Variants in HYDIN observed in about 807,000 individuals in gnomAD.
HYDIN encodes the protein axonemal central pair apparatus protein HYDIN.
HYDIN carries 132 observed loss-of-function variants against 403.9 expected under a neutral mutation model. That is an observed-to-expected ratio of 0.33 (90% CI 0.28 to 0.38). The LOEUF (loss-of-function observed/expected upper bound fraction) is 0.38. Ranked by LOEUF, HYDIN falls within the 10% of genes least tolerant of loss-of-function variation. The pLI is 1.00. For missense variants in HYDIN, 2,827 were observed against 5,009.5 expected, an observed-to-expected ratio of 0.56 and a Z score of 13.15; for synonymous variants, 1,202 against 1,891.7, an observed-to-expected ratio of 0.64 and a Z score of 9.46.
At chr16:71,047,444 G>T (rs529191820) in intron 18 of HYDIN, among the ~76,000 whole-genome samples, 21 of 152,028 alleles carry the variant, frequency 1.4e-4, no homozygotes, top group African/African-American at 4.8e-4. Flanking sequence ...GTGGGGTTGG[G>T]GGTGGGGGTG....
intron 3 of HYDIN, among the ~76,000 whole-genome samples, chr16:71,182,708 T>C (rs1481023555): frequency 1.3e-5 from 2 of 152,126 alleles, no homozygotes; most frequent in African/African-American, 2.4e-5. Flanking sequence ...GTTCAGGGGA[T>C]AGACAGTGGC....
Position 70,879,427 on chromosome 16 carries a change from C to T in HYDIN, c.10427G>A (p.Arg3476Gln), listed in dbSNP as rs553627913. ...AAGAACTGGCCGCACAACCGTCACT[C>T]GAGGGAGGTTCCCCTCACCAGCGAT... The part of the protein sequence containing the change: ...FDIAGEGNLP[R>Q]VTVVRPVLHN... The change falls in exon 62 of 86, where the codon CGA becomes CAA. Residue 3476 changes from arginine to glutamine, a missense_variant. By Grantham distance (43) the Arg-to-Gln change is conservative. Transcript: ENST00000393567. 3.5e-5 allele frequency: 57 copies of T among 1,611,450 alleles called. 2 individuals are homozygous for T. The South Asian group carries it at 5.2e-4, about 15-fold the overall frequency.
intron 76 of HYDIN, among the ~76,000 whole-genome samples, chr16:70,839,639 C>A (rs75699627): frequency 6.6e-6 from 1 of 152,104 alleles, no homozygotes; most frequent in Non-Finnish European, 1.5e-5. Context: ...GAACCTTGGA[C>A]TAGAACATCC....
intron 47 of HYDIN, 99 bp from the exon 48 acceptor site, chr16:70,908,960 C>A (rs2076614498): frequency 1.4e-6 from 2 of 1,456,728 alleles, no homozygotes; most frequent in East Asian, 4.7e-5. Flanking sequence ...GGAGATGGTG[C>A]TGCAGGGTCA....
intron 4 of HYDIN, among the ~76,000 whole-genome samples, chr16:71,176,828 G>C (rs962320954): frequency 6.6e-6 from 1 of 152,208 alleles, no homozygotes; most frequent in African/African-American, 2.4e-5. Flanking sequence ...TCCTCTGTGT[G>C]TGAGGGACGG....
chr16:71,099,055 AT>A (rs1395415931), intron 10 of HYDIN, among the ~76,000 whole-genome samples: 1 of 151,928 alleles, frequency 6.6e-6, no homozygotes, highest in African/African-American at 2.4e-5. Flanking sequence ...AGACCAAAAT[AT>A]TTTAAAACAT....
Position 70,962,269 on chromosome 16 carries a change from C to A in HYDIN, c.5789-131G>T, listed in dbSNP as rs2078442815. 5.5e-5 allele frequency: 23 copies of A among 418,964 alleles called. 2 individuals are homozygous for A. The South Asian group carries it at 1.8e-3, about 33-fold the overall frequency. The allele number at this position is 418,964 out of a possible 1,614,324, so 26.0% of individuals were successfully genotyped here. A position where few individuals can be genotyped will look rare whatever the true frequency, so the allele number is the denominator to read the frequency against. ...CGGGCTCCCATCACCCTGGACCATT[C>A]AACCCAAATAAACAAGAACTGCAGT... On this transcript the variant is annotated intron_variant, in intron 37 of 85. Coordinates refer to ENST00000393567, the MANE Select transcript of HYDIN (RefSeq NM_001270974.2).
chr16:71,164,848 C>A (rs1242691657), intron 5 of HYDIN, among the ~76,000 whole-genome samples: 2 of 149,092 alleles, frequency 1.3e-5, no homozygotes, highest in Non-Finnish European at 1.5e-5. Flanking sequence ...ACAAAGACAG[C>A]TAAGGTCTGA....
intron 1 of HYDIN, among the ~76,000 whole-genome samples, chr16:71,212,297 T>C (rs913574689): frequency 6.6e-6 from 1 of 152,300 alleles, no homozygotes; most frequent in Non-Finnish European, 1.5e-5. Context: ...AAGGGATAAG[T>C]GTCATGATAT....
chr16:71,120,223 G>T (rs2084207005), intron 9 of HYDIN, among the ~76,000 whole-genome samples: 1 of 145,684 alleles, frequency 6.9e-6, no homozygotes, highest in African/African-American at 2.6e-5. Context: ...ATGGCCTTCA[G>T]TTATACTGTA....
chr16:70,969,112 A>T (rs1084752), intron 36 of HYDIN, among the ~76,000 whole-genome samples: 1,968 of 130,662 alleles, frequency 0.015, no homozygotes, highest in African/African-American at 0.023. Context: ...AAATAGACTT[A>T]AAAAAAAGAA....
rs1452247267 is a variant in HYDIN at position 71,053,827 on chromosome 16, G to T, written c.2529+6677C>A. ...TCTGAGGTAAATAAATGTGGGGAAA[G>T]ATTAACATGTGTTAATTTTTGTATC... is the stretch of plus-strand genomic sequence containing the variant. On this transcript the variant is annotated intron_variant, in intron 18 of 85. Coordinates refer to ENST00000393567, the MANE Select transcript of HYDIN (RefSeq NM_001270974.2). Among the ~76,000 whole-genome samples, 7 of 152,298 alleles carry T rather than the reference G, an allele frequency of 4.6e-5. No homozygotes were observed. The East Asian group carries it at 7.7e-4, about 17-fold the overall frequency.
chr16:70,911,367 A>G (rs1190673669), intron 47 of HYDIN, among the ~76,000 whole-genome samples: 1 of 151,104 alleles, frequency 6.6e-6, no homozygotes, highest in Non-Finnish European at 1.5e-5. Flanking sequence ...GTTGAAAAGG[A>G]TGTCCTTTCC....
intron 76 of HYDIN, among the ~76,000 whole-genome samples, chr16:70,838,527 C>T (rs948597745): frequency 1.3e-5 from 2 of 152,044 alleles, no homozygotes; most frequent in South Asian, 2.1e-4. Context: ...GTTTTCTACA[C>T]GAGGGTTTTG....
chr16:71,031,271 T>G (rs998684599), intron 19 of HYDIN: 3 of 158,392 alleles, frequency 1.9e-5, no homozygotes, highest in African/African-American at 7.3e-5. Context: ...GCAATAAATT[T>G]TTACCTTCCT....
At chr16:71,176,922 C>A (rs188667951) in intron 4 of HYDIN, among the ~76,000 whole-genome samples, 3 of 152,162 alleles carry the variant, frequency 2.0e-5, no homozygotes, top group African/African-American at 7.2e-5. Flanking sequence ...AAGCATTTCT[C>A]GGGGCCCCAA....
chr16:70,938,089 G>A lies in HYDIN; in HGVS notation c.6995+525C>T, dbSNP rs1161943800. 2.6e-5 allele frequency among the ~76,000 whole-genome samples: 4 copies of A among 152,338 alleles called. No individual in the cohort carries two copies. In the East Asian group the frequency reaches 7.7e-4, roughly 29 times the overall value. On this transcript the variant is annotated intron_variant, in intron 44 of 85. Coordinates refer to ENST00000393567, the MANE Select transcript of HYDIN (RefSeq NM_001270974.2). ...GGATTGAGGATCTGCCCAGGCTGAGGATCCCATGGCAGCTAGACCTCAGGG... is the reference window on the plus strand; with the variant it reads ...GGATTGAGGATCTGCCCAGGCTGAGAATCCCATGGCAGCTAGACCTCAGGG...
At chr16:71,058,618 T>A (rs1361524054) in intron 18 of HYDIN, among the ~76,000 whole-genome samples, 10 of 103,046 alleles carry the variant, frequency 9.7e-5, no homozygotes, top group South Asian at 8.7e-4. Flanking sequence ...ATAAATAAAA[T>A]TAAAAAAAAA....
chr16:71,077,906 T>C (rs1327164091), intron 13 of HYDIN, among the ~76,000 whole-genome samples: 8 of 152,204 alleles, frequency 5.3e-5, no homozygotes, highest in African/African-American at 1.4e-4. Flanking sequence ...TTTCTCATTA[T>C]GAATGAGTGT....
Sources: gnomAD v4.1 joint callset for allele counts (sites outside exome capture counted in the v4.1 genomes callset) on GRCh38, gnomAD v4.1.1 for gene constraint, MANE v1.5 for transcripts, NCBI Gene and HGNC (gene_info 2026-07-23, HGNC 2026-07-21) for gene names.